SEC23B: variants seen among roughly 807,000 people sequenced by gnomAD.
The protein encoded by SEC23B is SEC23 homolog B, COPII component.
Under a neutral mutation model 104.3 loss-of-function variants are expected in SEC23B, and 77 were observed. The ratio of observed to expected loss-of-function variants is 0.74; its 90% CI spans 0.61 to 0.89. SEC23B has a LOEUF of 0.89. Ranked by LOEUF, SEC23B falls within the 40% of genes least tolerant of loss-of-function variation. The pLI is 0.00. For missense variants in SEC23B, 885 were observed against 949.4 expected (o/e 0.93, Z 0.89); for synonymous variants, 338 against 332.5 (o/e 1.02, Z -0.18).
At chr20:18,534,417 G>A (rs1319495765) in intron 11 of SEC23B, among the ~76,000 whole-genome samples, 3 of 152,200 alleles carry the variant, frequency 2.0e-5, no homozygotes, top group Admixed American at 6.5e-5. Flanking sequence ...TTAAAGGTGT[G>A]TTTACATTCA....
At chr20:18,545,161 C>T (rs1040651414) in intron 14 of SEC23B, among the ~76,000 whole-genome samples, 1 of 152,080 alleles carries the variant, frequency 6.6e-6, no homozygotes, top group African/African-American at 2.4e-5. Flanking sequence ...GGATGACACC[C>T]ATCTGGCTCT....
At chr20:18,512,943 T>C (rs2059994004) in intron 3 of SEC23B, among the ~76,000 whole-genome samples, 1 of 152,064 alleles carries the variant, frequency 6.6e-6, no homozygotes, top group Admixed American at 6.6e-5. Context: ...CTCAGCACTT[T>C]GGGAGGCTGA....
At chr20:18,552,412 G>T (rs1194258205) in intron 17 of SEC23B, among the ~76,000 whole-genome samples, 2 of 152,122 alleles carry the variant, frequency 1.3e-5, no homozygotes, top group African/African-American at 4.8e-5. Context: ...GGAACCTTTG[G>T]TATCAGTACA....
chr20:18,547,929 T>A (rs141828765), intron 15 of SEC23B, among the ~76,000 whole-genome samples: 2 of 130,358 alleles, frequency 1.5e-5, no homozygotes, highest in East Asian at 2.3e-4. Context: ...CTTAAAAAAA[T>A]TTTGTATTTT....
At chr20:18,548,884 T>C in intron 16 of SEC23B, 114 bp downstream of exon 16, 1 of 1,021,204 alleles carries the variant, frequency 9.8e-7, no homozygotes. Context: ...GGAGTTTTTA[T>C]AGTAATTTAA....
chr20:18,514,845 A>G (rs569123344), intron 3 of SEC23B, among the ~76,000 whole-genome samples: 1 of 152,180 alleles, frequency 6.6e-6, no homozygotes, highest in South Asian at 2.1e-4. Context: ...GTTTGCTTCT[A>G]TTTTCCTGGA....
At chr20:18,541,902 CAAAT>C (rs1182854574) in intron 12 of SEC23B, among the ~76,000 whole-genome samples, 1 of 152,142 alleles carries the variant, frequency 6.6e-6, no homozygotes, top group African/African-American at 2.4e-5. Context: ...AAAAAATCTG[CAAAT>C]AAATGAGGCA....
At chr20:18,537,703 T>C (rs962399071) in intron 12 of SEC23B, among the ~76,000 whole-genome samples, 2 of 152,000 alleles carry the variant, frequency 1.3e-5, no homozygotes, top group African/African-American at 4.8e-5. Context: ...AACCTGCACA[T>C]TGTGCACATG....
intron 8 of SEC23B, among the ~76,000 whole-genome samples, chr20:18,526,809 G>GTGAAAA (rs1600243943): frequency 6.6e-6 from 1 of 152,202 alleles, no homozygotes; most frequent in East Asian, 1.9e-4. Flanking sequence ...GCCAGTCCCG[G>GTGAAAA]TGGCTCACGG....
intron 2 of SEC23B, 98 bp downstream of exon 2, chr20:18,511,154 A>C (rs1207532712): frequency 1.4e-5 from 13 of 948,934 alleles, no homozygotes; most frequent in African/African-American, 4.9e-5. Context: ...CAGGTCATCA[A>C]ATTTGTGATA....
chr20:18,555,066 C>T (rs1343160290), intron 18 of SEC23B, 42 bp from the exon 19 acceptor site: 1 of 1,571,810 alleles, frequency 6.4e-7, no homozygotes, highest in Non-Finnish European at 8.8e-7. Flanking sequence ...ATTAATGTCA[C>T]TTTTTAATCT....
At position 18,543,383 on chromosome 20, in the gene SEC23B, A is replaced by G. The variant is rs2295559; in HGVS notation, c.1665+211A>G. ...TTATAGTTGGGAAGAAACAACACGC[A>G]TGGAGCATTTGGAGAGTGATACAAA... On this transcript the variant is annotated intron_variant, in intron 14 of 19. Transcript: ENST00000650089. 0.37 allele frequency among the ~76,000 whole-genome samples: 55,514 copies of G among 152,084 alleles called. 10,802 individuals are homozygous for G. The highest frequency in any genetic ancestry group is 0.47 in the South Asian group (2,243 of 4,820).
In SEC23B at chr20:18,524,685, G is replaced by A; in HGVS notation, c.603+16G>A. On this transcript the variant is annotated intron_variant, in intron 5 of 19. Coordinates refer to ENST00000650089, the MANE Select transcript of SEC23B (RefSeq NM_006363.6). ...GCAAATACAGGTTTGTACCTTACTT[G>A]TACAGGAGCAGAAACAAGGACTTTT... 1 of 1,596,080 alleles carries A rather than the reference G, an allele frequency of 6.3e-7. No individual in the cohort carries two copies. The highest frequency in any genetic ancestry group is 1.7e-5 in the Admixed American group (1 of 60,004).
At chr20:18,536,932 C>CT (rs1241951961) in intron 12 of SEC23B, among the ~76,000 whole-genome samples, 1 of 152,138 alleles carries the variant, frequency 6.6e-6, no homozygotes, top group African/African-American at 2.4e-5. Flanking sequence ...ATCACAAAGT[C>CT]TTCATACTCT....
chr20:18,555,747 TA>T (rs1203901083), intron 19 of SEC23B, among the ~76,000 whole-genome samples: 33 of 152,288 alleles, frequency 2.2e-4, no homozygotes, highest in African/African-American at 7.2e-4. Flanking sequence ...CTGTATCTTT[TA>T]CCCATTTTCC....
intron 4 of SEC23B, among the ~76,000 whole-genome samples, chr20:18,516,929 A>AAT (rs2060034256): frequency 1.3e-5 from 2 of 152,174 alleles, no homozygotes; most frequent in South Asian, 2.1e-4. Flanking sequence ...AAAAAAAAAA[A>AAT]ATTGTTAATT....
intron 3 of SEC23B, among the ~76,000 whole-genome samples, chr20:18,512,598 A>C (rs1276495989): frequency 6.6e-6 from 1 of 152,182 alleles, no homozygotes; most frequent in Non-Finnish European, 1.5e-5. Context: ...TCTTGACTTC[A>C]GTATATTCTG....
Position 18,508,804 on chromosome 20 carries a change from A to G in SEC23B, c.-15+832A>G, listed in dbSNP as rs565477164. ...GCGTGATCTCGGCTCACTGCAACCAATGCCTCCCAAGGTCAAGCAGTCCTC... is the reference window on the plus strand; with the variant it reads ...GCGTGATCTCGGCTCACTGCAACCAGTGCCTCCCAAGGTCAAGCAGTCCTC... On this transcript the variant is annotated intron_variant, in intron 1 of 19. Transcript: ENST00000650089. Among the ~76,000 whole-genome samples the G allele has an allele frequency of 1.3e-3, 196 of 148,668 alleles. 2 individuals are homozygous for G. Among genetic ancestry groups the G allele is most frequent in the African/African-American group, 4.5e-3 (181 of 39,990 alleles).
At position 18,527,504 on chromosome 20, in the gene SEC23B, G is replaced by C. The variant is rs2060144263; in HGVS notation, c.1002G>C (p.Glu334Asp). 2 of 1,599,906 alleles carry C rather than the reference G, an allele frequency of 1.3e-6. No homozygotes were observed. Among genetic ancestry groups the C allele is most frequent in the African/African-American group, 1.3e-5 (1 of 74,670 alleles). Reference protein sequence around the residue: ...RFMKKATKHYEMLANRTAANG... With the variant: ...RFMKKATKHYDMLANRTAANG... ...CTTTCCTCTCTTCACAGCACTATGA[G>C]ATGCTTGCTAATCGAACAGCTGCAA... The change falls in exon 9 of 20, where the codon GAG becomes GAC. Residue 334 changes from glutamate (E) to aspartate (D), a missense_variant. Transcript: ENST00000650089.
Sources: allele counts gnomAD v4.1 joint callset (sites outside exome capture counted in the v4.1 genomes callset), GRCh38; gene constraint gnomAD v4.1.1; transcripts MANE v1.5; gene names NCBI Gene and HGNC (gene_info 2026-07-23, HGNC 2026-07-21).